Variants in GADL1 observed in about 807,000 individuals in gnomAD.
GADL1 encodes acidic amino acid decarboxylase GADL1.
A neutral mutation model predicts 69.5 loss-of-function variants in GADL1; 71 were observed. That is an observed-to-expected ratio of 1.02 (90% CI 0.84 to 1.25). GADL1 has a LOEUF of 1.25. GADL1 is among the 50% of genes most tolerant of loss of function. The probability of loss-of-function intolerance (pLI) is 0.00; values close to 1 mark genes in which losing one functional copy is unlikely to be tolerated. For missense variants in GADL1, 737 were observed against 631.8 expected (o/e 1.17, Z -1.79); for synonymous variants, 254 against 214.4 (o/e 1.18, Z -1.62).
chr3:30,855,831 TTA>T (rs1157614637), intron 3 of GADL1, among the ~76,000 whole-genome samples: 1 of 151,820 alleles, frequency 6.6e-6, no homozygotes, highest in Non-Finnish European at 1.5e-5. Flanking sequence ...TTAGTTTATT[TTA>T]GTTTTTTTTT....
chr3:30,829,195 A>T (rs984116868), intron 11 of GADL1, among the ~76,000 whole-genome samples: 7 of 151,952 alleles, frequency 4.6e-5, no homozygotes, highest in African/African-American at 7.2e-5. Context: ...GGTTTTTTTT[A>T]AAATCCCTGA....
intron 3 of GADL1, among the ~76,000 whole-genome samples, chr3:30,856,313 C>T (rs949061676): frequency 8.6e-5 from 13 of 152,008 alleles, no homozygotes; most frequent in African/African-American, 3.1e-4. Context: ...ATTATTCTCC[C>T]ATTTTTGAAA....
intron 1 of GADL1, among the ~76,000 whole-genome samples, chr3:30,872,341 T>G (rs1038743882): frequency 6.6e-6 from 1 of 151,922 alleles, no homozygotes; most frequent in African/African-American, 2.4e-5. Context: ...TTCTCTCCAT[T>G]AACCACTGTC....
intron 14 of GADL1, among the ~76,000 whole-genome samples, chr3:30,767,971 A>G (rs1003869653): frequency 6.8e-6 from 1 of 147,062 alleles, no homozygotes; most frequent in Non-Finnish European, 1.5e-5. Context: ...GCCTACCAAC[A>G]ATTAATAAAT....
chr3:30,728,388 T>A lies in GADL1; in HGVS notation c.1420A>T (p.Met474Leu), dbSNP rs201974837. ...LVAPAIKERM[M>L]KKGSLMLGYQ... ...CCCAGCATCAAGCTTCCCTTCTTCATCATCCTCTCCTTAATGGCTGGGGCC... is the reference window on the plus strand; with the variant it reads ...CCCAGCATCAAGCTTCCCTTCTTCAACATCCTCTCCTTAATGGCTGGGGCC... The change falls in exon 15 of 15, where the codon ATG (methionine) becomes TTG (leucine). Residue 474 changes from methionine (M) to leucine (L), a missense_variant. Coordinates refer to ENST00000282538, the MANE Select transcript of GADL1 (RefSeq NM_207359.3). The A allele has an allele frequency of 6.2e-7, 1 of 1,613,778 alleles. No individual in the cohort carries two copies. Among genetic ancestry groups the A allele is most frequent in the East Asian group, 2.2e-5 (1 of 44,814 alleles).
chr3:30,791,321 T>C (rs986354185), intron 12 of GADL1, among the ~76,000 whole-genome samples: 1 of 152,186 alleles, frequency 6.6e-6, no homozygotes, highest in East Asian at 1.9e-4. Context: ...CATCCTGAAC[T>C]GAGCCTATGA....
chr3:30,813,369 C>T (rs1340649229), intron 11 of GADL1, among the ~76,000 whole-genome samples: 1 of 104,680 alleles, frequency 9.6e-6, no homozygotes, highest in Non-Finnish European at 1.7e-5. Context: ...TTGCATCTCT[C>T]CAAAATAGGC....
intron 1 of GADL1, among the ~76,000 whole-genome samples, chr3:30,891,896 A>T (rs9870360): frequency 0.045 from 6,894 of 152,206 alleles, 543 homozygotes; most frequent in African/African-American, 0.16. Flanking sequence ...CCCAAATGTC[A>T]TGATTTCAAT....
At chr3:30,851,213 C>T (rs1240343817) in intron 4 of GADL1, among the ~76,000 whole-genome samples, 3 of 152,164 alleles carry the variant, frequency 2.0e-5, no homozygotes, top group Admixed American at 1.3e-4. Context: ...GCAATAAAGG[C>T]AATGCATTTG....
rs773530741 is a variant in GADL1, at chr3:30,816,530, C to CTTTTTTTTTTTTTTTTTTTTTT, written c.1051-15464_1051-15443dup. 5.6e-4 allele frequency among the ~76,000 whole-genome samples: 30 copies of CTTTTTTTTTTTTTTTTTTTTTT among 53,982 alleles called. 12 individuals are homozygous for CTTTTTTTTTTTTTTTTTTTTTT. The highest frequency in any genetic ancestry group is 1.0e-3 in the Non-Finnish European group (26 of 25,434). The allele number at this position is 53,982 out of a possible 152,430, so 35.4% of individuals were successfully genotyped here. A position where few individuals can be genotyped will look rare whatever the true frequency, so the allele number is the denominator to read the frequency against. On this transcript the variant is annotated intron_variant, in intron 11 of 14. Transcript: ENST00000282538. ...AGACCATATATTCTTAATTTGTTTT[C>CTTTTTTTTTTTTTTTTTTTTTT]TTTTTTTTTTTTTTTTTTTTTTTTT...
chr3:30,873,519 C>T (rs920920302), intron 1 of GADL1, among the ~76,000 whole-genome samples: 1 of 151,902 alleles, frequency 6.6e-6, no homozygotes, highest in Admixed American at 6.6e-5. Flanking sequence ...ATATTGCTTT[C>T]TGTGTCTTAT....
intron 1 of GADL1, among the ~76,000 whole-genome samples, chr3:30,876,639 G>A (rs2125543238): frequency 6.6e-6 from 1 of 152,006 alleles, no homozygotes; most frequent in Non-Finnish European, 1.5e-5. Context: ...ATTTCCAAAT[G>A]TTAGCATCTC....
intron 14 of GADL1, 82 bp downstream of exon 14, chr3:30,778,097 C>T (rs1696578107): frequency 3.8e-6 from 3 of 793,122 alleles, no homozygotes; most frequent in Admixed American, 4.0e-5. Flanking sequence ...GCTTGCTAGG[C>T]CCTCTTATTT....
At chr3:30,857,291 T>A in intron 2 of GADL1, 150 bp from the exon 3 acceptor site, 1 of 664,834 alleles carries the variant, frequency 1.5e-6, no homozygotes, top group Non-Finnish European at 2.5e-6. Context: ...ACTATTACAG[T>A]AATGTAGATG....
chr3:30,774,491 CTG>C (rs1393001135), intron 14 of GADL1, among the ~76,000 whole-genome samples: 3 of 152,174 alleles, frequency 2.0e-5, no homozygotes, highest in African/African-American at 4.8e-5. Flanking sequence ...TAATACCACA[CTG>C]TTGCTGTTTT....
chr3:30,878,597 GACTT>G (rs1474349853), intron 1 of GADL1, among the ~76,000 whole-genome samples: 17 of 151,882 alleles, frequency 1.1e-4, no homozygotes, highest in Admixed American at 8.5e-4. Flanking sequence ...TATCTACTGA[GACTT>G]ACTTATCACA....
rs1379647551 is a variant in GADL1, at chr3:30,778,271, G to T, written c.1303-3C>A. On this transcript the variant is annotated splice_region_variant and splice_polypyrimidine_tract_variant and intron_variant, in intron 13 of 14. Transcript: ENST00000282538. ...AAGCAAATATTGGCATATTCAGGCT[G>T]AGAATTAGAAAAAATATAAAGTTGT... The T allele has an allele frequency of 2.5e-6, 4 of 1,575,804 alleles. No individual in the cohort carries two copies. The African/African-American group carries it at 4.1e-5, about 16-fold the overall frequency.
intron 14 of GADL1, among the ~76,000 whole-genome samples, chr3:30,770,908 T>C (rs1281067846): frequency 1.3e-5 from 2 of 152,220 alleles, no homozygotes; most frequent in African/African-American, 2.4e-5. Flanking sequence ...TTCAAGTTAC[T>C]ATCCACAAAA....
intron 11 of GADL1, among the ~76,000 whole-genome samples, chr3:30,823,725 A>G (rs926893054): frequency 5.9e-5 from 9 of 152,034 alleles, no homozygotes; most frequent in African/African-American, 2.2e-4. Flanking sequence ...AACAGAAGAG[A>G]TGGTAAATCT....
Sources: gnomAD v4.1 joint callset for allele counts (sites outside exome capture counted in the v4.1 genomes callset) on GRCh38, gnomAD v4.1.1 for gene constraint, MANE v1.5 for transcripts, NCBI Gene and HGNC (gene_info 2026-07-23, HGNC 2026-07-21) for gene names.